ANKRD30B: variants seen among roughly 807,000 people sequenced by gnomAD.
ANKRD30B encodes ankyrin repeat domain-containing protein 30B.
A neutral mutation model predicts 202.2 loss-of-function variants in ANKRD30B; 144 were observed. That is an observed-to-expected ratio of 0.71 (90% CI 0.62 to 0.82). The LOEUF (loss-of-function observed/expected upper bound fraction) is 0.82, where lower values mean the gene tolerates loss of function less well. ANKRD30B is among the 40% of genes least tolerant of loss of function. The pLI is 0.00. For missense variants in ANKRD30B, 1,487 were observed against 1,669.1 expected, an observed-to-expected ratio of 0.89 and a Z score of 1.90; for synonymous variants, 508 against 561.3, an observed-to-expected ratio of 0.91 and a Z score of 1.34.
the ANKRD30B span, among the ~76,000 whole-genome samples, chr18:14,892,742 C>CAAAAAAAAAA: frequency 1.1e-4 from 8 of 72,894 alleles, no homozygotes; most frequent in African/African-American, 2.3e-4. Flanking sequence ...TCTGTTTCAC[C>CAAAAAAAAAA]AAAAAAAAAA....
At chr18:14,750,236 T>C (rs990107797) in intron 1 of ANKRD30B, among the ~76,000 whole-genome samples, 1 of 152,148 alleles carries the variant, frequency 6.6e-6, no homozygotes, top group Non-Finnish European at 1.5e-5. Context: ...TTCACTCAAA[T>C]CAACAGAAAA....
At chr18:14,885,976 T>C in the ANKRD30B span, among the ~76,000 whole-genome samples, 1 of 152,002 alleles carries the variant, frequency 6.6e-6, no homozygotes, top group Non-Finnish European at 1.5e-5. Flanking sequence ...ATATGTATAT[T>C]TTGCACAAAG....
At chr18:14,874,169 A>G in the ANKRD30B span, among the ~76,000 whole-genome samples, 1 of 152,238 alleles carries the variant, frequency 6.6e-6, no homozygotes, top group Admixed American at 6.5e-5. Flanking sequence ...TAAGTGATTT[A>G]TAAATATGAG....
intron 12 of ANKRD30B, among the ~76,000 whole-genome samples, chr18:14,783,183 G>A (rs1476512291): frequency 4.6e-5 from 7 of 152,026 alleles, no homozygotes. Flanking sequence ...AAATGCATAG[G>A]TGTGCATCTA....
the ANKRD30B span, among the ~76,000 whole-genome samples, chr18:14,902,836 A>G: frequency 4.6e-5 from 7 of 152,214 alleles, no homozygotes; most frequent in Non-Finnish European, 1.0e-4. Context: ...TCTTAAAATA[A>G]GTAATGGGGA....
rs1308910235 is a variant in ANKRD30B at position 14,784,353 on chromosome 18, T to G, written c.1588T>G (p.Ser530Ala). The change falls in exon 13 of 44, where the codon TCT becomes GCT. Residue 530 changes from serine to alanine, a missense_variant. Physicochemically the swap from Ser to Ala is moderately conservative, Grantham distance 99 (BLOSUM62 1). Transcript: ENST00000690538. Reference protein sequence around the residue: ...REVEELPEKPSAFKPAVEMQK... With the variant: ...REVEELPEKPAAFKPAVEMQK... ...CATTTTAGAGCTTCCTGAGAAGCCATCTGCCTTCAAGGTATTTAGTTTTAT... is the reference window on the plus strand; with the variant it reads ...CATTTTAGAGCTTCCTGAGAAGCCAGCTGCCTTCAAGGTATTTAGTTTTAT... 6.2e-6 allele frequency: 10 copies of G among 1,612,864 alleles called. No homozygotes were observed. Among genetic ancestry groups the G allele is most frequent in the African/African-American group, 1.3e-5 (1 of 75,022 alleles).
the ANKRD30B span, among the ~76,000 whole-genome samples, chr18:14,907,062 T>C: frequency 0.011 from 1,687 of 152,260 alleles, 35 homozygotes; most frequent in African/African-American, 0.039. Flanking sequence ...GTTCTTATTA[T>C]GAAGATGAAG....
Position 14,799,293 on chromosome 18 carries a change from C to A in ANKRD30B, c.2129C>A (p.Ala710Glu). The A allele has an allele frequency of 6.6e-7, 1 of 1,524,234 alleles. No individual in the cohort carries two copies. The highest frequency in any genetic ancestry group is 2.3e-5 in the Admixed American group (1 of 43,012). The allele number at this position is 1,524,234 out of a possible 1,614,324, so 94.4% of individuals were successfully genotyped here. ...LELKDRETFK[A>E]AQMFPSESKQ... ...TTGAAGGACAGAGAAACATTCAAAGCAGGTAAATTTTGCAATTTTAATTTT... is the reference window on the plus strand; with the variant it reads ...TTGAAGGACAGAGAAACATTCAAAGAAGGTAAATTTTGCAATTTTAATTTT... The change falls in exon 22 of 44, where the codon GCA becomes GAA. Residue 710 changes from alanine to glutamate, a missense_variant and splice_region_variant. Around this residue, in one of 6 missense-constraint regions of ANKRD30B, gnomAD observed 889 missense variants for 841.4 expected, o/e 1.06. Transcript: ENST00000690538.
At chr18:14,849,789 G>A (rs1318597312) in intron 40 of ANKRD30B, among the ~76,000 whole-genome samples, 2 of 151,442 alleles carry the variant, frequency 1.3e-5, no homozygotes, top group East Asian at 3.9e-4. Context: ...TTTATAAGTA[G>A]AAATATTTAT....
chr18:14,895,842 C>T, the ANKRD30B span, among the ~76,000 whole-genome samples: 4 of 152,068 alleles, frequency 2.6e-5, no homozygotes, highest in African/African-American at 9.7e-5. Flanking sequence ...ATAGTAAGAT[C>T]AGTGGTTGCA....
chr18:14,893,654 A>C, the ANKRD30B span, among the ~76,000 whole-genome samples: 2 of 152,128 alleles, frequency 1.3e-5, no homozygotes, highest in South Asian at 2.1e-4. Flanking sequence ...CCTACCCTCC[A>C]AATCAGAAGC....
rs1284722059 is a variant in ANKRD30B at position 14,778,034 on chromosome 18, C to T, written c.1379C>T (p.Thr460Ile). 6.5e-7 allele frequency: 1 copy of T among 1,548,966 alleles called. No homozygotes were observed. Among genetic ancestry groups the T allele is most frequent in the Non-Finnish European group, 8.7e-7 (1 of 1,145,032 alleles). ...AATTATACGTGTTTACCTGATGCTACATATCAAAAAGATATCAAAACAATA... is the reference window on the plus strand; with the variant it reads ...AATTATACGTGTTTACCTGATGCTATATATCAAAAAGATATCAAAACAATA... ...AQNYTCLPDATYQKDIKTINH... is the reference protein window; with the variant it reads ...AQNYTCLPDAIYQKDIKTINH... The change falls in exon 10 of 44, where the codon ACA becomes ATA. Residue 460 changes from threonine (T) to isoleucine (I), a missense_variant. This residue lies in a region of ANKRD30B where 889 missense variants were observed against 841.4 expected (regional missense o/e 1.06). Coordinates refer to ENST00000690538, the MANE Select transcript of ANKRD30B (RefSeq NM_001367607.2).
rs960414895 is a variant in ANKRD30B, at chr18:14,821,052, T to G, written c.2642-1431T>G. Among the ~76,000 whole-genome samples the G allele has an allele frequency of 1.7e-3, 265 of 152,310 alleles. 1 individual carries two copies. The highest frequency in any genetic ancestry group is 5.6e-3 in the African/African-American group (233 of 41,566). On this transcript the variant is annotated intron_variant, in intron 30 of 43. Transcript: ENST00000690538. ...GCCACAATTTCAGATCCTGTTATTG[T>G]TCTATTCAGAGATTCAACTTCTTCC... is the stretch of plus-strand genomic sequence containing the variant.
the ANKRD30B span, among the ~76,000 whole-genome samples, chr18:14,901,046 G>A: frequency 6.6e-6 from 1 of 152,110 alleles, no homozygotes; most frequent in Non-Finnish European, 1.5e-5. Flanking sequence ...AAAACTCCAG[G>A]AGCCTATTTT....
At chr18:14,753,106 T>A in intron 3 of ANKRD30B, 94 bp downstream of exon 3, 1 of 1,004,080 alleles carries the variant, frequency 1.0e-6, no homozygotes, top group Non-Finnish European at 1.4e-6. Context: ...AACACAAACA[T>A]TCCTTGAGTG....
chr18:14,917,412 T>C, the ANKRD30B span, among the ~76,000 whole-genome samples: 1 of 152,184 alleles, frequency 6.6e-6, no homozygotes, highest in African/African-American at 2.4e-5. Flanking sequence ...TTTCCCTTCC[T>C]GTCTATCTGC....
chr18:14,754,860 G>A, intron 3 of ANKRD30B, 39 bp from the exon 4 acceptor site: 7 of 1,363,072 alleles, frequency 5.1e-6, no homozygotes, highest in Non-Finnish European at 5.9e-6. Context: ...TGAGAAATAT[G>A]TAATTTCATG....
chr18:14,881,961 A>G, the ANKRD30B span, among the ~76,000 whole-genome samples: 1 of 151,804 alleles, frequency 6.6e-6, no homozygotes, highest in Non-Finnish European at 1.5e-5. Context: ...CCCCTGTTTC[A>G]TTTCTTAGTG....
At chr18:14,827,789 A>G (rs1474420024) in intron 32 of ANKRD30B, among the ~76,000 whole-genome samples, 1 of 152,184 alleles carries the variant, frequency 6.6e-6, no homozygotes, top group Admixed American at 6.5e-5. Context: ...TCAGTCTTAT[A>G]GGGTTCTGTT....
Sources: gnomAD v4.1 joint callset for allele counts (sites outside exome capture counted in the v4.1 genomes callset) on GRCh38, gnomAD v4.1.1 for gene constraint, gnomAD v4.1.1 regional missense constraint, MANE v1.5 for transcripts, NCBI Gene and HGNC (gene_info 2026-07-23, HGNC 2026-07-21) for gene names.